USP10: variants seen among roughly 807,000 people sequenced by gnomAD.
USP10 encodes the protein ubiquitin carboxyl-terminal hydrolase 10.
Under a neutral mutation model 84.5 loss-of-function variants are expected in USP10, and 22 were observed. That is an observed-to-expected ratio of 0.26 (90% CI 0.19 to 0.37). The LOEUF (loss-of-function observed/expected upper bound fraction) is 0.37, where lower values mean the gene tolerates loss of function less well. Ranked by LOEUF, USP10 falls within the 10% of genes least tolerant of loss-of-function variation. The pLI is 1.00. For missense variants in USP10, 1,019 were observed against 998.9 expected, an observed-to-expected ratio of 1.02 and a Z score of -0.27; for synonymous variants, 454 against 387.6, an observed-to-expected ratio of 1.17 and a Z score of -2.01.
intron 2 of USP10, among the ~76,000 whole-genome samples, chr16:84,734,040 A>G (rs1049838166): frequency 6.6e-6 from 1 of 152,168 alleles, no homozygotes; most frequent in Non-Finnish European, 1.5e-5. Flanking sequence ...GTCGAGGGCC[A>G]TTTAGGTCTC....
chr16:84,751,616 A>G (rs548174334), intron 4 of USP10, among the ~76,000 whole-genome samples: 1 of 152,318 alleles, frequency 6.6e-6, no homozygotes, highest in Non-Finnish European at 1.5e-5. Context: ...GGGTAGTGGT[A>G]CATTTTGGTC....
intron 1 of USP10, among the ~76,000 whole-genome samples, chr16:84,701,192 T>G (rs2150746618): frequency 6.6e-6 from 1 of 152,342 alleles, no homozygotes; most frequent in South Asian, 2.1e-4. Flanking sequence ...TTTTGAAACA[T>G]GATTTTCGGA....
chr16:84,777,059 C>T (rs1034581551), intron 13 of USP10, among the ~76,000 whole-genome samples: 1 of 152,206 alleles, frequency 6.6e-6, no homozygotes, highest in Non-Finnish European at 1.5e-5. Flanking sequence ...AATGAGGTCA[C>T]CGGACTGGTT....
At chr16:84,719,925 T>C (rs1907561607) in intron 1 of USP10, among the ~76,000 whole-genome samples, 1 of 152,232 alleles carries the variant, frequency 6.6e-6, no homozygotes, top group Non-Finnish European at 1.5e-5. Context: ...TATACCACTT[T>C]TTGCATTCTT....
chr16:84,752,968 T>A (rs1203536633), intron 4 of USP10, among the ~76,000 whole-genome samples: 2 of 151,954 alleles, frequency 1.3e-5, no homozygotes, highest in Non-Finnish European at 2.9e-5. Context: ...TTTAAAAACG[T>A]ATTTTTTTTT....
rs763754218 is a variant in USP10, at chr16:84,764,198, T to A, written c.1767T>A (p.Thr589=). 9 of 1,613,884 alleles carry A rather than the reference T, an allele frequency of 5.6e-6. No individual in the cohort carries two copies. Among genetic ancestry groups the A allele is most frequent in the Non-Finnish European group, 6.8e-6 (8 of 1,179,894 alleles). Residue 589 remains threonine (T), a synonymous_variant, in exon 10 of 14, where the codon ACT becomes ACA. Coordinates refer to ENST00000219473, the MANE Select transcript of USP10 (RefSeq NM_005153.3). ...AACAAGTGGGCCCCCGGAACAAGAC[T>A]TCCGTCACCCGCCAGGCGGATTTTG... is the stretch of plus-strand genomic sequence containing the variant. ...EWEQVGPRNK[T]SVTRQADFVQ... is the part of the protein sequence containing the mutation.
At chr16:84,763,463 A>T (rs531783315) in intron 9 of USP10, among the ~76,000 whole-genome samples, 118 of 152,296 alleles carry the variant, frequency 7.7e-4, no homozygotes, top group Middle Eastern at 6.8e-3. Context: ...ATACGCATAC[A>T]TTTTCCCTGA....
At chr16:84,742,025 C>T (rs188382422) in intron 3 of USP10, among the ~76,000 whole-genome samples, 6 of 152,306 alleles carry the variant, frequency 3.9e-5, no homozygotes, top group Non-Finnish European at 5.9e-5. Context: ...GGCACCTCAT[C>T]GTGGCTTCCC....
chr16:84,771,866 C>T, intron 11 of USP10, among the ~76,000 whole-genome samples: 1 of 152,016 alleles, frequency 6.6e-6, no homozygotes, highest in East Asian at 1.9e-4. Context: ...AGAACTCCCT[C>T]CCCCCAAAAA....
At chr16:84,734,595 T>TTTG (rs535371889) in intron 2 of USP10, among the ~76,000 whole-genome samples, 227 of 152,328 alleles carry the variant, frequency 1.5e-3, no homozygotes, top group Admixed American at 4.7e-3. Context: ...GTTGGGTTTT[T>TTTG]TTGTTGTTGT....
At chr16:84,766,190 C>T (rs1457497545) in intron 10 of USP10, among the ~76,000 whole-genome samples, 1 of 152,242 alleles carries the variant, frequency 6.6e-6, no homozygotes, top group Middle Eastern at 3.2e-3. Flanking sequence ...CCTGCGCTGA[C>T]GCCCTCAGAA....
chr16:84,732,059 C>CT, intron 1 of USP10, among the ~76,000 whole-genome samples: 1 of 152,200 alleles, frequency 6.6e-6, no homozygotes, highest in Non-Finnish European at 1.5e-5. Context: ...TATATGAAAA[C>CT]TTTTTTGTTC....
intron 1 of USP10, chr16:84,732,688 T>C: frequency 3.3e-6 from 1 of 303,268 alleles, no homozygotes; most frequent in South Asian, 2.6e-5. Context: ...CCTTAAGTGA[T>C]TCGCCCATGT....
intron 3 of USP10, among the ~76,000 whole-genome samples, chr16:84,743,118 C>A (rs1387998609): frequency 6.6e-6 from 1 of 152,190 alleles, no homozygotes; most frequent in Non-Finnish European, 1.5e-5. Flanking sequence ...AAATGAACAG[C>A]CAGCCCCTAC....
intron 1 of USP10, among the ~76,000 whole-genome samples, chr16:84,723,393 G>A (rs953870012): frequency 3.3e-5 from 5 of 152,084 alleles, no homozygotes; most frequent in African/African-American, 1.2e-4. Context: ...TTTATTTGAA[G>A]ATTATATTTG....
At chr16:84,740,608 A>C (rs1457894071) in intron 3 of USP10, among the ~76,000 whole-genome samples, 1 of 152,208 alleles carries the variant, frequency 6.6e-6, no homozygotes, top group African/African-American at 2.4e-5. Flanking sequence ...ATGGTTGTTG[A>C]GTTCTTTTTT....
In USP10 at chr16:84,740,081, A is replaced by T. The variant is rs76783913; in HGVS notation, c.91-228A>T. On this transcript the variant is annotated intron_variant, in intron 2 of 13. Transcript: ENST00000219473. Reference sequence around the variant, plus strand: ...TTATTCCTTTTGGCTTCATTTTCGGATCTGTTTAATAGTGATAAATATTTG... The same window carrying T: ...TTATTCCTTTTGGCTTCATTTTCGGTTCTGTTTAATAGTGATAAATATTTG... 0.022 allele frequency among the ~76,000 whole-genome samples: 3,381 copies of T among 152,126 alleles called. 105 individuals carry two copies. The highest frequency in any genetic ancestry group is 0.077 in the African/African-American group (3,212 of 41,464).
chr16:84,745,527 C>T lies in USP10; in HGVS notation c.1046C>T (p.Ser349Phe), dbSNP rs1220073211. ...TCCTGGGCCAGCCTCTTTCATGATT[C>T]TAAGCCCTCTTCCTCCTCGCCGGTG... Reference protein sequence around the residue: ...PKSWASLFHDSKPSSSSPVAY... With the variant: ...PKSWASLFHDFKPSSSSPVAY... Residue 349 changes from serine (S) to phenylalanine (F), a missense_variant, in exon 4 of 14, where the codon TCT (serine) becomes TTT (phenylalanine). Transcript: ENST00000219473. 1.9e-6 allele frequency: 3 copies of T among 1,613,294 alleles called. No homozygotes were observed. The highest frequency in any genetic ancestry group is 2.7e-5 in the African/African-American group (2 of 74,900).
intron 12 of USP10, 47 bp downstream of exon 12, chr16:84,772,732 C>A: frequency 3.1e-6 from 5 of 1,605,116 alleles, no homozygotes; most frequent in Non-Finnish European, 4.3e-6. Flanking sequence ...CACACTCCTG[C>A]ACATCAGAAG....
Sources: allele counts gnomAD v4.1 joint callset (sites outside exome capture counted in the v4.1 genomes callset), GRCh38; gene constraint gnomAD v4.1.1; transcripts MANE v1.5; gene names NCBI Gene and HGNC (gene_info 2026-07-23, HGNC 2026-07-21).